ZNF143: variants seen among roughly 807,000 people sequenced by gnomAD.
ZNF143 encodes SPH-binding factor.
ZNF143 carries 49 observed loss-of-function variants against 74.1 expected under a neutral mutation model. The ratio of observed to expected loss-of-function variants is 0.66; its 90% CI spans 0.53 to 0.84. The LOEUF is 0.84. Among genes scored for constraint, ZNF143 ranks in the 40% least tolerant of loss-of-function variants. The pLI is 0.00. For missense variants in ZNF143, 637 were observed against 793.4 expected (o/e 0.80, Z 2.37); for synonymous variants, 304 against 282.8 (o/e 1.07, Z -0.75).
intron 14 of ZNF143, among the ~76,000 whole-genome samples, chr11:9,523,813 C>T (rs898351798): frequency 6.7e-6 from 1 of 150,372 alleles, no homozygotes; most frequent in Non-Finnish European, 1.5e-5. Context: ...TTTGGGAGGC[C>T]GAGGCGGGTG....
intron 8 of ZNF143, among the ~76,000 whole-genome samples, chr11:9,495,954 A>G (rs1847942824): frequency 6.6e-6 from 1 of 152,154 alleles, no homozygotes. Context: ...CCCCTCTAGC[A>G]GCAGCCTCCA....
chr11:9,522,798 T>A (rs1325026145), intron 14 of ZNF143, among the ~76,000 whole-genome samples: 1 of 147,698 alleles, frequency 6.8e-6, no homozygotes, highest in Non-Finnish European at 1.5e-5. Flanking sequence ...CTGGCCTATT[T>A]GGGGTTTTTA....
chr11:9,472,296 A>T (rs1856623483), intron 2 of ZNF143, among the ~76,000 whole-genome samples: 1 of 152,058 alleles, frequency 6.6e-6, no homozygotes, highest in Admixed American at 6.6e-5. Flanking sequence ...TCTGTCGCCC[A>T]GGCTGGAGGG....
At chr11:9,524,010 T>G (rs886852814) in intron 14 of ZNF143, among the ~76,000 whole-genome samples, 1 of 146,544 alleles carries the variant, frequency 6.8e-6, no homozygotes, top group East Asian at 2.0e-4. Flanking sequence ...ATCAAGCCAT[T>G]GCATTCCAGC....
Position 9,496,371 on chromosome 11 carries a change from T to C in ZNF143, c.834T>C (p.Phe278=). 1 of 1,614,110 alleles carries C rather than the reference T, an allele frequency of 6.2e-7. No homozygotes were observed. Among genetic ancestry groups the C allele is most frequent in the Non-Finnish European group, 8.5e-7 (1 of 1,180,014 alleles). The change falls in exon 9 of 16, where the codon TTT becomes TTC. Residue 278 remains phenylalanine, a synonymous_variant. Coordinates refer to ENST00000396602, the MANE Select transcript of ZNF143 (RefSeq NM_003442.6). Reference sequence around the variant, plus strand: ...AGCATGCAGGCTGTGGGAAGGCATTTGCAACAGGTAAAAGTATGAATTTTG... The same window carrying C: ...AGCATGCAGGCTGTGGGAAGGCATTCGCAACAGGTAAAAGTATGAATTTTG... ...QCEHAGCGKA[F]ATGYGLKSHV...
intron 1 of ZNF143, among the ~76,000 whole-genome samples, chr11:9,469,373 A>G (rs1346250941): frequency 1.3e-5 from 2 of 151,766 alleles, no homozygotes; most frequent in Non-Finnish European, 2.9e-5. Flanking sequence ...CTGGGATTAC[A>G]GGCGTGCACC....
intron 11 of ZNF143, among the ~76,000 whole-genome samples, chr11:9,502,435 C>G (rs1406431052): frequency 1.3e-5 from 2 of 150,308 alleles, no homozygotes; most frequent in Non-Finnish European, 3.0e-5. Context: ...ATGGTGAAAC[C>G]CCATGTCTAC....
chr11:9,494,771 TA>T lies in ZNF143; in HGVS notation c.765+7del, dbSNP rs1847902415. ...CAACAGCTCATCATCTCAAGGTATATATAAAAGAAATGTTCTATCTAGTTAT... is the reference window on the plus strand; with the variant it reads ...CAACAGCTCATCATCTCAAGGTATATTAAAAGAAATGTTCTATCTAGTTAT... On this transcript the variant is annotated splice_region_variant and intron_variant, in intron 8 of 15. Transcript: ENST00000396602. 1 of 1,604,196 alleles carries T rather than the reference TA, an allele frequency of 6.2e-7. No homozygotes were observed. Among genetic ancestry groups the T allele is most frequent in the African/African-American group, 1.3e-5 (1 of 74,704 alleles).
In ZNF143 at chr11:9,497,828, CTTT is replaced by C. The variant is rs536473555; in HGVS notation, c.967+46_967+48del. On this transcript the variant is annotated intron_variant, in intron 10 of 15. Coordinates refer to ENST00000396602, the MANE Select transcript of ZNF143 (RefSeq NM_003442.6). ...ACTAGTGGAAACAGAGTGTCAAAAT[CTTT>C]TTTTTTTTTTTTTTTTTGAGACGGA... 0.012 allele frequency: 12,714 copies of C among 1,022,758 alleles called. No individual in the cohort carries two copies. The highest frequency in any genetic ancestry group is 0.019 in the Middle Eastern group (52 of 2,720). 63.4% of individuals were successfully genotyped at this position (1,022,758 alleles called of 1,614,324 possible).
Position 9,473,946 on chromosome 11 carries a change from A to G in ZNF143, c.211A>G (p.Lys71Glu). Residue 71 changes from lysine to glutamate, a missense_variant, in exon 4 of 16, where the codon AAA (lysine) becomes GAA (glutamate). By Grantham distance (56) the Lys-to-Glu change is moderately conservative (BLOSUM62 1). Around this residue, in one of 2 missense-constraint regions of ZNF143, gnomAD observed 293 missense variants for 307.8 expected, o/e 0.95. Coordinates refer to ENST00000396602, the MANE Select transcript of ZNF143 (RefSeq NM_003442.6). The part of the protein sequence containing the change: ...AYIQHNSKDA[K>E]LIDGQVIQLE... ...TCTTGAATCTTTTGTTATAGATGCA[A>G]AACTCATAGATGGCCAGGTCATTCA... 1 of 1,614,168 alleles carries G rather than the reference A, an allele frequency of 6.2e-7. No homozygotes were observed. The highest frequency in any genetic ancestry group is 2.2e-5 in the East Asian group (1 of 44,876).
At chr11:9,513,038 G>A (rs949005447) in intron 13 of ZNF143, among the ~76,000 whole-genome samples, 1 of 152,216 alleles carries the variant, frequency 6.6e-6, no homozygotes, top group Non-Finnish European at 1.5e-5. Flanking sequence ...CACAGAGTCG[G>A]TAGAATAGGT....
Position 9,496,391 on chromosome 11 carries a change from A to T in ZNF143, c.841+13A>T. 6.2e-7 allele frequency: 1 copy of T among 1,613,714 alleles called. No individual in the cohort carries two copies. The highest frequency in any genetic ancestry group is 8.5e-7 in the Non-Finnish European group (1 of 1,179,792). On this transcript the variant is annotated intron_variant, in intron 9 of 15. Coordinates refer to ENST00000396602, the MANE Select transcript of ZNF143 (RefSeq NM_003442.6). ...GCATTTGCAACAGGTAAAAGTATGA[A>T]TTTTGTTTTTTTCTTGGTTCCAATT...
At chr11:9,497,457 C>A (rs1193237802) in intron 9 of ZNF143, among the ~76,000 whole-genome samples, 2 of 152,136 alleles carry the variant, frequency 1.3e-5, no homozygotes, top group Non-Finnish European at 2.9e-5. Context: ...GCTCGAACTC[C>A]TGACTTCAGG....
intron 1 of ZNF143, among the ~76,000 whole-genome samples, chr11:9,467,417 G>A (rs1039341671): frequency 6.6e-6 from 1 of 151,430 alleles, no homozygotes. Context: ...TATATTTTTA[G>A]TAGAGACAGG....
At chr11:9,466,243 A>G (rs1298341320) in intron 1 of ZNF143, among the ~76,000 whole-genome samples, 1 of 151,272 alleles carries the variant, frequency 6.6e-6, no homozygotes, top group Non-Finnish European at 1.5e-5. Context: ...TCAGCCTCCC[A>G]GAGTGCTGGG....
intron 7 of ZNF143, among the ~76,000 whole-genome samples, chr11:9,486,400 T>TATATATATA (rs1847510434): frequency 6.8e-4 from 19 of 27,918 alleles, no homozygotes; most frequent in Non-Finnish European, 9.6e-4. Flanking sequence ...ATATATAATA[T>TATATATATA]ATTATATATA....
At chr11:9,516,882 T>C (rs186159418) in intron 14 of ZNF143, among the ~76,000 whole-genome samples, 50 of 152,216 alleles carry the variant, frequency 3.3e-4, no homozygotes, top group Admixed American at 1.6e-3. Flanking sequence ...TACAAATAAG[T>C]AAATAGTCAT....
chr11:9,516,148 T>G (rs536896456), intron 13 of ZNF143, 53 bp from the exon 14 acceptor site: 1 of 1,582,344 alleles, frequency 6.3e-7, no homozygotes, highest in African/African-American at 1.3e-5. Flanking sequence ...TATGGAAGAT[T>G]GTCAGCTATA....
At chr11:9,485,982 G>A (rs1181740404) in intron 7 of ZNF143, among the ~76,000 whole-genome samples, 1 of 151,154 alleles carries the variant, frequency 6.6e-6, no homozygotes, top group African/African-American at 2.5e-5. Context: ...GGTTCCACTG[G>A]ACTACAGCAT....
Sources: allele counts gnomAD v4.1 joint callset (sites outside exome capture counted in the v4.1 genomes callset), GRCh38; gene constraint gnomAD v4.1.1; regional missense constraint gnomAD v4.1.1; transcripts MANE v1.5; gene names NCBI Gene and HGNC (gene_info 2026-07-23, HGNC 2026-07-21).